Variants in SRPK1 observed in about 807,000 individuals in gnomAD.
SRPK1 encodes the protein SFRS protein kinase 1.
SRPK1 carries 52 observed loss-of-function variants against 89.5 expected under a neutral mutation model. The ratio of observed to expected loss-of-function variants is 0.58; its 90% CI spans 0.46 to 0.73. SRPK1 has a LOEUF of 0.73. SRPK1 is among the 30% of genes least tolerant of loss of function. SRPK1 has a pLI of 0.00. For synonymous variants in SRPK1, 255 were observed against 270.2 expected (o/e 0.94, Z 0.55); for missense variants, 603 against 780.6 (o/e 0.77, Z 2.71).
rs1384932472 is a variant in SRPK1 at position 35,920,979 on chromosome 6, G to A, written c.13+65C>T. The A allele has an allele frequency of 2.6e-6, 4 of 1,510,922 alleles. No individual in the cohort carries two copies. In the South Asian group the frequency reaches 5.0e-5, roughly 19 times the overall value. 93.6% of individuals were successfully genotyped at this position (1,510,922 alleles called of 1,614,324 possible). On this transcript the variant is annotated intron_variant, in intron 1 of 15. Transcript: ENST00000373825. Reference sequence around the variant, plus strand: ...CCGCGGCAGTTAAGCGAAGCTCCCGGCGCTGACCCGGGCCTCGCCCCGGCG... The same window carrying A: ...CCGCGGCAGTTAAGCGAAGCTCCCGACGCTGACCCGGGCCTCGCCCCGGCG...
chr6:35,920,563 G>A (rs757672574), intron 1 of SRPK1, 35 bp from the exon 2 acceptor site: 13 of 1,604,432 alleles, frequency 8.1e-6, no homozygotes, highest in East Asian at 2.3e-5. Flanking sequence ...GGGCGAATGT[G>A]GAGGAAAGGA....
At chr6:35,869,165 A>T in intron 11 of SRPK1, 55 bp from the exon 12 acceptor site, 1 of 1,400,184 alleles carries the variant, frequency 7.1e-7, no homozygotes, top group Non-Finnish European at 1.0e-6. Context: ...GAAATACTCA[A>T]TGAGTAATAA....
At chr6:35,902,347 A>G (rs931528233) in intron 2 of SRPK1, among the ~76,000 whole-genome samples, 21 of 152,168 alleles carry the variant, frequency 1.4e-4, no homozygotes, top group African/African-American at 4.6e-4. Flanking sequence ...CAGCAGTGTG[A>G]TGCAGCTGTA....
At chr6:35,874,556 C>G (rs1268392512) in intron 6 of SRPK1, among the ~76,000 whole-genome samples, 1 of 152,158 alleles carries the variant, frequency 6.6e-6, no homozygotes, top group African/African-American at 2.4e-5. Context: ...TTGTGGGCGG[C>G]TGGCTTCATC....
At chr6:35,866,874 TG>T (rs140920810) in intron 12 of SRPK1, among the ~76,000 whole-genome samples, 2,922 of 152,278 alleles carry the variant, frequency 0.019, 95 homozygotes, top group African/African-American at 0.066. Context: ...GCAACATGGA[TG>T]GAACTGGATG....
At chr6:35,911,633 G>A (rs1020387221) in intron 2 of SRPK1, among the ~76,000 whole-genome samples, 3 of 151,696 alleles carry the variant, frequency 2.0e-5, no homozygotes, top group South Asian at 4.2e-4. Flanking sequence ...GTCTCACTAT[G>A]TTGCCCAGGC....
rs138160007 is a variant in SRPK1 at position 35,839,382 on chromosome 6, G to A, written c.1691-953C>T. Among the ~76,000 whole-genome samples the A allele has an allele frequency of 3.0e-4, 46 of 152,226 alleles. No homozygotes were observed. In the East Asian group the frequency reaches 8.7e-3, roughly 29 times the overall value. On this transcript the variant is annotated intron_variant, in intron 14 of 15. Transcript: ENST00000373825. Reference sequence around the variant, plus strand: ...TGAATGGCCTAACTTGAAACTTCAGGGCTAATATGAGCTAAAACTCAGATG... The same window carrying A: ...TGAATGGCCTAACTTGAAACTTCAGAGCTAATATGAGCTAAAACTCAGATG...
At chr6:35,844,907 G>A (rs1461734317) in intron 13 of SRPK1, among the ~76,000 whole-genome samples, 3 of 152,000 alleles carry the variant, frequency 2.0e-5, no homozygotes, top group South Asian at 2.1e-4. Flanking sequence ...AGCCAGCCGC[G>A]GCAGTGCTAT....
At chr6:35,843,111 G>A (rs1248160144) in intron 13 of SRPK1, among the ~76,000 whole-genome samples, 2 of 151,762 alleles carry the variant, frequency 1.3e-5, no homozygotes, top group Non-Finnish European at 2.9e-5. Context: ...TGGGACTACA[G>A]GTGCCCACCA....
chr6:35,836,982 G>A (rs949539421), intron 15 of SRPK1, among the ~76,000 whole-genome samples: 1 of 152,084 alleles, frequency 6.6e-6, no homozygotes, highest in Non-Finnish European at 1.5e-5. Flanking sequence ...GCCAAGGATT[G>A]AGAAAAGTCA....
chr6:35,838,271 A>G, intron 15 of SRPK1, 66 bp downstream of exon 15: 1 of 1,098,794 alleles, frequency 9.1e-7, no homozygotes, highest in Non-Finnish European at 1.3e-6. Flanking sequence ...CATTGGGAAT[A>G]TGTGCTTACC....
chr6:35,867,352 C>G (rs1001461724), intron 12 of SRPK1, among the ~76,000 whole-genome samples: 14 of 152,138 alleles, frequency 9.2e-5, no homozygotes, highest in African/African-American at 2.7e-4. Context: ...TTAGTCAGTG[C>G]TAAGCTGGCT....
chr6:35,872,079 C>T (rs530936701), intron 8 of SRPK1, among the ~76,000 whole-genome samples: 24 of 152,330 alleles, frequency 1.6e-4, no homozygotes, highest in African/African-American at 5.3e-4. Flanking sequence ...TGGCACACTA[C>T]TAACTGCTTT....
intron 12 of SRPK1, among the ~76,000 whole-genome samples, chr6:35,862,073 TAACAACAAC>T (rs201751746): frequency 1.1e-4 from 17 of 151,532 alleles, no homozygotes; most frequent in Admixed American, 3.3e-4. Context: ...CCATCACAGC[TAACAACAAC>T]AACAACAACA....
At chr6:35,867,304 GTAATTC>G (rs1328030722) in intron 12 of SRPK1, among the ~76,000 whole-genome samples, 1 of 152,194 alleles carries the variant, frequency 6.6e-6, no homozygotes, top group Non-Finnish European at 1.5e-5. Flanking sequence ...GCGTAGTGGA[GTAATTC>G]TAATTACTTG....
chr6:35,892,672 A>G (rs1387427501), intron 2 of SRPK1, among the ~76,000 whole-genome samples: 14 of 139,350 alleles, frequency 1.0e-4, no homozygotes, highest in Middle Eastern at 3.5e-3. Context: ...CAACAACAAC[A>G]ACAACAACAA....
Position 35,868,998 on chromosome 6 carries a change from A to C in SRPK1, c.1512+12T>G, listed in dbSNP as rs775147560. On this transcript the variant is annotated intron_variant, in intron 12 of 15. Transcript: ENST00000373825. ...GTCACTTCAAAACACCATTAAGGCA[A>C]GTTTAACTTACCACCCAACAAGCAT... The C allele has an allele frequency of 6.2e-7, 1 of 1,610,436 alleles. No homozygotes were observed. The highest frequency in any genetic ancestry group is 1.3e-5 in the African/African-American group (1 of 74,802).
chr6:35,906,238 T>G (rs1034931871), intron 2 of SRPK1, among the ~76,000 whole-genome samples: 1 of 152,136 alleles, frequency 6.6e-6, no homozygotes, highest in Non-Finnish European at 1.5e-5. Flanking sequence ...TATTATTTTT[T>G]TTTTGAGACA....
intron 2 of SRPK1, among the ~76,000 whole-genome samples, chr6:35,892,684 A>G (rs199578617): frequency 0.24 from 34,599 of 145,214 alleles, 4,250 homozygotes; most frequent in South Asian, 0.31. Flanking sequence ...CAACAACAAC[A>G]ACAACGACAA....
Sources: allele counts gnomAD v4.1 joint callset (sites outside exome capture counted in the v4.1 genomes callset), GRCh38; gene constraint gnomAD v4.1.1; transcripts MANE v1.5; gene names NCBI Gene and HGNC (gene_info 2026-07-23, HGNC 2026-07-21).